MGAT4C: variants seen among roughly 807,000 people sequenced by gnomAD.
The protein encoded by MGAT4C is alpha-1,3-mannosyl-glycoprotein 4-beta-N-acetylglucosaminyltransferase C.
In MGAT4C, 19 loss-of-function variants were observed where a neutral mutation model predicts 40.1. The ratio of observed to expected loss-of-function variants is 0.47; its 90% CI spans 0.33 to 0.70. The LOEUF (loss-of-function observed/expected upper bound fraction) is 0.70. MGAT4C is among the 30% of genes least tolerant of loss of function. The pLI, the probability that MGAT4C is intolerant of heterozygous loss-of-function variation, is 0.02. For synonymous variants in MGAT4C, 181 were observed against 187.1 expected (o/e 0.97, Z 0.27); for missense variants, 491 against 563.2 (o/e 0.87, Z 1.30).
At chr12:86,481,005 A>G (rs1957928573) in intron 2 of MGAT4C, among the ~76,000 whole-genome samples, 2 of 151,946 alleles carry the variant, frequency 1.3e-5, no homozygotes, top group Non-Finnish European at 2.9e-5. Flanking sequence ...GAGAAATACA[A>G]TCTTTCAACG....
chr12:86,300,569 G>A (rs894349662), intron 4 of MGAT4C, among the ~76,000 whole-genome samples: 1 of 152,144 alleles, frequency 6.6e-6, no homozygotes, highest in Non-Finnish European at 1.5e-5. Context: ...CAAATGTGAA[G>A]TGATTGTTTT....
chr12:86,680,428 C>T (rs1038084322), intron 2 of MGAT4C, among the ~76,000 whole-genome samples: 4 of 151,822 alleles, frequency 2.6e-5, no homozygotes, highest in Non-Finnish European at 5.9e-5. Flanking sequence ...TTTCCCAGGT[C>T]CCACATGTAT....
At chr12:86,493,060 T>C (rs1958169690) in intron 2 of MGAT4C, among the ~76,000 whole-genome samples, 1 of 150,580 alleles carries the variant, frequency 6.6e-6, no homozygotes, top group African/African-American at 2.5e-5. Flanking sequence ...TCACCATCAC[T>C]GGCCATGAGA....
intron 1 of MGAT4C, among the ~76,000 whole-genome samples, chr12:86,837,727 C>T: frequency 6.6e-6 from 1 of 152,120 alleles, no homozygotes; most frequent in East Asian, 1.9e-4. Flanking sequence ...CCTAATACTA[C>T]ATGTTTATAA....
intron 1 of MGAT4C, among the ~76,000 whole-genome samples, chr12:86,225,626 C>T (rs569027442): frequency 1.3e-5 from 2 of 152,112 alleles, no homozygotes; most frequent in Admixed American, 6.5e-5. Flanking sequence ...TTCACAGATA[C>T]AAGGGTGGTT....
At chr12:86,511,073 T>A (rs967761188) in intron 2 of MGAT4C, among the ~76,000 whole-genome samples, 1 of 152,086 alleles carries the variant, frequency 6.6e-6, no homozygotes, top group African/African-American at 2.4e-5. Flanking sequence ...TATTCCACAA[T>A]TGACCACATA....
intron 2 of MGAT4C, among the ~76,000 whole-genome samples, chr12:86,700,158 CAGACAGACAGACAGACAGACAGAT>C (rs1390955164): frequency 4.5e-4 from 12 of 26,836 alleles, no homozygotes; most frequent in Admixed American, 1.1e-3. Context: ...GACAGACAGA[CAGACAGACAGACAGACAGACAGAT>C]AGATAGATAG....
intron 3 of MGAT4C, among the ~76,000 whole-genome samples, chr12:86,385,299 T>C (rs1453837788): frequency 6.6e-6 from 1 of 152,178 alleles, no homozygotes; most frequent in Non-Finnish European, 1.5e-5. Flanking sequence ...CTGGGCCTTT[T>C]TCATACTAGA....
At chr12:86,810,667 G>T (rs945735860) in intron 1 of MGAT4C, among the ~76,000 whole-genome samples, 1 of 151,664 alleles carries the variant, frequency 6.6e-6, no homozygotes, top group Non-Finnish European at 1.5e-5. Flanking sequence ...CTTGCACCGA[G>T]AAATAAATCC....
chr12:86,158,294 AC>A (rs1885203392), intron 1 of MGAT4C, among the ~76,000 whole-genome samples: 1 of 152,118 alleles, frequency 6.6e-6, no homozygotes, highest in Non-Finnish European at 1.5e-5. Flanking sequence ...TAAAAATATA[AC>A]ATTACAGAAT....
intron 3 of MGAT4C, among the ~76,000 whole-genome samples, chr12:86,345,799 T>G (rs1426839524): frequency 1.3e-5 from 2 of 152,212 alleles, no homozygotes; most frequent in African/African-American, 4.8e-5. Flanking sequence ...AAATGGTATT[T>G]CTAGTTCTAG....
chr12:86,017,228 A>C (rs909049827), intron 2 of MGAT4C, among the ~76,000 whole-genome samples: 1 of 152,130 alleles, frequency 6.6e-6, no homozygotes, highest in Non-Finnish European at 1.5e-5. Flanking sequence ...GTATGTGTTT[A>C]CATTGCAGGA....
At chr12:86,494,398 T>C (rs971176708) in intron 2 of MGAT4C, among the ~76,000 whole-genome samples, 3 of 152,054 alleles carry the variant, frequency 2.0e-5, no homozygotes, top group African/African-American at 7.2e-5. Context: ...AGATTTTGTT[T>C]CAATTTTATT....
chr12:86,363,248 G>C (rs1040332406), intron 3 of MGAT4C, among the ~76,000 whole-genome samples: 1 of 151,912 alleles, frequency 6.6e-6, no homozygotes, highest in Non-Finnish European at 1.5e-5. Flanking sequence ...TGTCAAGATA[G>C]GTCTCATCTA....
intron 4 of MGAT4C, among the ~76,000 whole-genome samples, chr12:86,276,451 T>C (rs1953083518): frequency 6.6e-6 from 1 of 152,152 alleles, no homozygotes; most frequent in African/African-American, 2.4e-5. Context: ...TATTTTAAAA[T>C]ATACAATTAG....
intron 2 of MGAT4C, among the ~76,000 whole-genome samples, chr12:86,045,811 A>G (rs1488013279): frequency 6.6e-6 from 1 of 152,216 alleles, no homozygotes; most frequent in African/African-American, 2.4e-5. Flanking sequence ...TGACTATGTG[A>G]GAGATTTTGC....
intron 1 of MGAT4C, among the ~76,000 whole-genome samples, chr12:86,784,879 G>A (rs1164193901): frequency 4.0e-5 from 6 of 151,890 alleles, no homozygotes; most frequent in Non-Finnish European, 8.8e-5. Context: ...ACTAACTCAA[G>A]CAATACAGAG....
At chr12:86,663,759 CTACT>C (rs1191912063) in intron 2 of MGAT4C, among the ~76,000 whole-genome samples, 1 of 152,078 alleles carries the variant, frequency 6.6e-6, no homozygotes, top group Admixed American at 6.5e-5. Context: ...TATTTCAGTT[CTACT>C]TACTTCTGAT....
intron 3 of MGAT4C, among the ~76,000 whole-genome samples, chr12:86,366,823 T>G (rs1955608025): frequency 6.6e-6 from 1 of 152,196 alleles, no homozygotes; most frequent in Admixed American, 6.5e-5. Context: ...GAAACTTTCC[T>G]AGTAGCAGAC....
Sources: gnomAD v4.1 joint callset for allele counts (sites outside exome capture counted in the v4.1 genomes callset) on GRCh38, gnomAD v4.1.1 for gene constraint, MANE v1.5 for transcripts, NCBI Gene and HGNC (gene_info 2026-07-23, HGNC 2026-07-21) for gene names.